The following RBFOX1 variants were observed in gnomAD, a reference collection of about 807,000 sequenced individuals.
RBFOX1 encodes RNA binding fox-1 homolog 1.
Under a neutral mutation model 57.7 loss-of-function variants are expected in RBFOX1, and 8 were observed. That is an observed-to-expected ratio of 0.14 (90% CI 0.08 to 0.25). The LOEUF (loss-of-function observed/expected upper bound fraction) is 0.25. RBFOX1 is among the 10% of genes least tolerant of loss of function. The probability of loss-of-function intolerance (pLI) is 1.00; values close to 1 mark genes in which losing one functional copy is unlikely to be tolerated. For missense variants in RBFOX1, 611 were observed against 548.5 expected, an observed-to-expected ratio of 1.11 and a Z score of -1.14; for synonymous variants, 326 against 222.4, an observed-to-expected ratio of 1.47 and a Z score of -4.15.
At chr16:7,575,869 G>C (rs71374956) in intron 5 of RBFOX1, among the ~76,000 whole-genome samples, 46,928 of 151,958 alleles carry the variant, frequency 0.31, 8,696 homozygotes, top group East Asian at 0.53. Flanking sequence ...TGAGGTAGCT[G>C]CTCTGTCATC....
intron 2 of RBFOX1, among the ~76,000 whole-genome samples, chr16:6,476,938 G>A (rs1004761445): frequency 2.0e-5 from 3 of 152,060 alleles, no homozygotes; most frequent in African/African-American, 7.2e-5. Context: ...ACTAGATGTA[G>A]ATTCCATCTC....
chr16:7,022,751 G>A (rs1016712010), intron 3 of RBFOX1, among the ~76,000 whole-genome samples: 7 of 152,140 alleles, frequency 4.6e-5, no homozygotes, highest in Non-Finnish European at 1.0e-4. Flanking sequence ...GGGCCAAACA[G>A]TTTCCTAATG....
At position 7,664,999 on chromosome 16, in the gene RBFOX1, C is replaced by T. The variant is rs771309188; in HGVS notation, c.930+31C>T. Reference sequence around the variant, plus strand: ...TATTCATTCACGTGCATGCCATCCCCGTTTCCTCCTGGAGTCATTCTTTTT... The same window carrying T: ...TATTCATTCACGTGCATGCCATCCCTGTTTCCTCCTGGAGTCATTCTTTTT... On this transcript the variant is annotated intron_variant, in intron 13 of 15. Coordinates refer to ENST00000550418, the MANE Select transcript of RBFOX1 (RefSeq NM_018723.4). 157 of 1,613,856 alleles carry T rather than the reference C, an allele frequency of 9.7e-5. 1 individual carries two copies. In the Middle Eastern group the frequency reaches 1.3e-3, roughly 14 times the overall value.
chr16:6,589,079 A>C (rs1384076784), intron 2 of RBFOX1, among the ~76,000 whole-genome samples: 2 of 144,510 alleles, frequency 1.4e-5, no homozygotes, highest in Non-Finnish European at 3.0e-5. Flanking sequence ...ATGCTTTTCT[A>C]ATTTTATCAT....
At chr16:5,822,756 G>A (rs1274673541) in intron 3 of RBFOX1, among the ~76,000 whole-genome samples, 2 of 152,186 alleles carry the variant, frequency 1.3e-5, no homozygotes, top group African/African-American at 4.8e-5. Context: ...AAGTTGGAAG[G>A]AATTGGAGAT....
chr16:5,735,786 G>A (rs2052548687), intron 3 of RBFOX1, among the ~76,000 whole-genome samples: 1 of 152,150 alleles, frequency 6.6e-6, no homozygotes, highest in South Asian at 2.1e-4. Context: ...TGAAGCAGGA[G>A]AATCGCTTGA....
chr16:6,961,910 C>T (rs1007007581), intron 3 of RBFOX1, among the ~76,000 whole-genome samples: 4 of 152,132 alleles, frequency 2.6e-5, no homozygotes, highest in Non-Finnish European at 4.4e-5. Context: ...CCTGTTTTAT[C>T]AGCAGGGTCT....
At chr16:5,379,868 T>C (rs2066086161) in intron 1 of RBFOX1, among the ~76,000 whole-genome samples, 1 of 152,266 alleles carries the variant, frequency 6.6e-6, no homozygotes, top group Non-Finnish European at 1.5e-5. Context: ...CTCTTCTGGG[T>C]CATTTTTTAG....
intron 3 of RBFOX1, among the ~76,000 whole-genome samples, chr16:6,843,372 T>A (rs2093592760): frequency 6.6e-6 from 1 of 152,102 alleles, no homozygotes; most frequent in South Asian, 2.1e-4. Context: ...TTACTTTTTG[T>A]ATAGCCCAAT....
chr16:6,074,249 T>C (rs896996220), intron 1 of RBFOX1, among the ~76,000 whole-genome samples: 1 of 152,106 alleles, frequency 6.6e-6, no homozygotes, highest in Non-Finnish European at 1.5e-5. Context: ...CGCCCGGCCA[T>C]CAAGCTTCTT....
intron 3 of RBFOX1, among the ~76,000 whole-genome samples, chr16:5,862,135 G>C (rs558381552): frequency 5.3e-5 from 8 of 152,158 alleles, no homozygotes; most frequent in East Asian, 3.9e-4. Flanking sequence ...ATCTAAGCCA[G>C]AGACAGTCTG....
rs367743094 is a variant in RBFOX1, at chr16:5,741,234, A to G, written c.319-126069A>G. 6.6e-5 allele frequency among the ~76,000 whole-genome samples: 10 copies of G among 152,210 alleles called. No individual in the cohort carries two copies. In the South Asian group the frequency reaches 1.2e-3, roughly 19 times the overall value. On this transcript the variant is annotated intron_variant, in intron 3 of 19. Coordinates refer to the RBFOX1 transcript ENST00000641259. ...CCTTGGGGCTGCCACGTCATTCCAAACCACCAGAGCAATCAGTGGGGTCGC... is the reference window on the plus strand; with the variant it reads ...CCTTGGGGCTGCCACGTCATTCCAAGCCACCAGAGCAATCAGTGGGGTCGC...
At chr16:5,629,238 T>G (rs1412606950) in intron 3 of RBFOX1, among the ~76,000 whole-genome samples, 2 of 152,244 alleles carry the variant, frequency 1.3e-5, no homozygotes, top group African/African-American at 4.8e-5. Flanking sequence ...ACCTTCCCTC[T>G]ATCCCTACTC....
rs565904782 is a variant in RBFOX1 at position 6,520,407 on chromosome 16, C to G, written c.-63-134196C>G. Among the ~76,000 whole-genome samples the G allele has an allele frequency of 4.6e-5, 7 of 152,200 alleles. No individual in the cohort carries two copies. The South Asian group carries it at 8.3e-4, about 18-fold the overall frequency. ...TGTGTTTTAAGAAATGTTACATAGACTATAAAATCCTAATTTTTAAAACAA... is the reference window on the plus strand; with the variant it reads ...TGTGTTTTAAGAAATGTTACATAGAGTATAAAATCCTAATTTTTAAAACAA... On this transcript the variant is annotated intron_variant, in intron 2 of 15. Coordinates refer to ENST00000550418, the MANE Select transcript of RBFOX1 (RefSeq NM_018723.4).
At chr16:7,363,103 T>C (rs2097361355) in intron 4 of RBFOX1, among the ~76,000 whole-genome samples, 1 of 152,176 alleles carries the variant, frequency 6.6e-6, no homozygotes, top group Non-Finnish European at 1.5e-5. Flanking sequence ...TGGTGGTGGA[T>C]ACTGCTGCTC....
At chr16:7,098,581 G>T (rs545170661) in intron 4 of RBFOX1, among the ~76,000 whole-genome samples, 1 of 152,044 alleles carries the variant, frequency 6.6e-6, no homozygotes, top group East Asian at 1.9e-4. Flanking sequence ...ATATACATTC[G>T]GTTATAATGT....
At chr16:7,011,631 A>G (rs1203837552) in intron 3 of RBFOX1, among the ~76,000 whole-genome samples, 1 of 152,166 alleles carries the variant, frequency 6.6e-6, no homozygotes, top group African/African-American at 2.4e-5. Context: ...ATCCAGCCTC[A>G]GCCTTCAAAG....
chr16:5,882,423 C>T (rs573903476), intron 4 of RBFOX1, among the ~76,000 whole-genome samples: 33 of 152,282 alleles, frequency 2.2e-4, no homozygotes, highest in African/African-American at 7.9e-4. Flanking sequence ...TGCCCCCCTC[C>T]CATTGGCCAG....
chr16:5,885,865 G>A (rs2057886832), intron 4 of RBFOX1, among the ~76,000 whole-genome samples: 1 of 152,092 alleles, frequency 6.6e-6, no homozygotes, highest in Non-Finnish European at 1.5e-5. Flanking sequence ...TACTGATACA[G>A]GTTGGCTCTG....
Sources: allele counts gnomAD v4.1 joint callset (sites outside exome capture counted in the v4.1 genomes callset), GRCh38; gene constraint gnomAD v4.1.1; transcripts MANE v1.5; gene names NCBI Gene and HGNC (gene_info 2026-07-23, HGNC 2026-07-21).